TANC2: variants seen among roughly 807,000 people sequenced by gnomAD.
TANC2 encodes protein TANC2.
TANC2 carries 26 observed loss-of-function variants against 210.5 expected under a neutral mutation model. That is an observed-to-expected ratio of 0.12 (90% confidence interval 0.09 to 0.17). The LOEUF is 0.17. Among genes scored for constraint, TANC2 ranks in the 10% least tolerant of loss-of-function variants. The probability of loss-of-function intolerance (pLI) is 1.00; values close to 1 mark genes in which losing one functional copy is unlikely to be tolerated. For missense variants in TANC2, 2,129 were observed against 2,608.9 expected (o/e 0.82, Z 4.01); for synonymous variants, 931 against 967.1 (o/e 0.96, Z 0.69).
chr17:63,200,853 C>G lies in TANC2; in HGVS notation c.665C>G (p.Ser222Cys), dbSNP rs759802007. 7.4e-6 allele frequency: 12 copies of G among 1,613,812 alleles called. No individual in the cohort carries two copies. The highest frequency in any genetic ancestry group is 1.1e-5 in the South Asian group (1 of 91,082). The change falls in exon 7 of 28, where the codon TCT (serine) becomes TGT (cysteine). Residue 222 changes from serine to cysteine, a missense_variant. By Grantham distance (112) the Ser-to-Cys change is moderately radical. Around this residue, in one of 5 missense-constraint regions of TANC2, gnomAD observed 739 missense variants for 848.0 expected, o/e 0.87. Transcript: ENST00000689528. The stretch of plus-strand genomic sequence containing the variant: ...TCTCCACCAGCCAGTAGCCCCTGCT[C>G]TACACTCCCACCCATCAGTACAAAT...
chr17:63,180,936 G>C (rs987845986), intron 5 of TANC2, among the ~76,000 whole-genome samples: 2 of 144,956 alleles, frequency 1.4e-5, no homozygotes, highest in Non-Finnish European at 1.5e-5. Flanking sequence ...AGGCGGGAGA[G>C]TTGCTTGAAC....
intron 11 of TANC2, among the ~76,000 whole-genome samples, chr17:63,335,081 G>A (rs906289646): frequency 1.3e-5 from 2 of 152,154 alleles, no homozygotes; most frequent in Admixed American, 1.3e-4. Flanking sequence ...CCTCCAGGCT[G>A]CATCTCCAAC....
At chr17:63,129,340 C>T (rs574609718) in intron 4 of TANC2, among the ~76,000 whole-genome samples, 30 of 152,226 alleles carry the variant, frequency 2.0e-4, no homozygotes, top group African/African-American at 6.7e-4. Context: ...CAGGTTCCAG[C>T]GTTACCACTT....
At chr17:63,271,388 G>A (rs1361093220) in intron 9 of TANC2, among the ~76,000 whole-genome samples, 1 of 148,582 alleles carries the variant, frequency 6.7e-6, no homozygotes, top group Non-Finnish European at 1.5e-5. Flanking sequence ...ATCTCACTGT[G>A]CTTTTGATTT....
chr17:63,366,447 A>G (rs552444883), intron 14 of TANC2, among the ~76,000 whole-genome samples: 1 of 152,188 alleles, frequency 6.6e-6, no homozygotes, highest in Non-Finnish European at 1.5e-5. Context: ...AGAAGTGATC[A>G]ATTTTCCTAT....
chr17:63,072,593 A>G (rs1364410966), intron 2 of TANC2, among the ~76,000 whole-genome samples: 5 of 152,110 alleles, frequency 3.3e-5, no homozygotes, highest in East Asian at 1.9e-4. Context: ...ATGGTTGCCT[A>G]TCACTTTGAG....
chr17:63,193,865 A>T, intron 5 of TANC2, 126 bp from the exon 6 acceptor site: 1 of 1,121,838 alleles, frequency 8.9e-7, no homozygotes, highest in Non-Finnish European at 1.2e-6. Context: ...AAAACCTCAT[A>T]ACTTTGTAAT....
intron 5 of TANC2, among the ~76,000 whole-genome samples, chr17:63,184,916 G>A (rs2040924193): frequency 6.6e-6 from 1 of 151,506 alleles, no homozygotes. Flanking sequence ...ACAGGTGTGA[G>A]CCACTGCACC....
chr17:63,190,164 A>G (rs1317306637), intron 5 of TANC2, among the ~76,000 whole-genome samples: 1 of 151,936 alleles, frequency 6.6e-6, no homozygotes, highest in Admixed American at 6.6e-5. Flanking sequence ...ATGAGGCACC[A>G]TCTCTACAAA....
intron 1 of TANC2, among the ~76,000 whole-genome samples, chr17:62,990,218 G>A (rs547186601): frequency 1.1e-4 from 17 of 152,212 alleles, no homozygotes; most frequent in Admixed American, 3.9e-4. Context: ...GTGAAATTTG[G>A]TTATCCAGAT....
At position 63,412,739 on chromosome 17, in the gene TANC2, T is replaced by C. The variant is rs1471031920; in HGVS notation, c.3928+30T>C. 6.5e-7 allele frequency: 1 copy of C among 1,535,862 alleles called. No homozygotes were observed. The stretch of plus-strand genomic sequence containing the variant: ...ATTTCACCGCTGTCAGCATCAGGCG[T>C]GGTCTGATGGCTTGGTCAGCTTTGC... On this transcript the variant is annotated intron_variant, in intron 24 of 27. Coordinates refer to ENST00000689528, the Ensembl canonical transcript of TANC2. The surrounding 1 kb of genome is among the most constrained non-coding windows in gnomAD (Gnocchi z 4.2).
At chr17:63,006,955 A>T (rs2033650889) in intron 1 of TANC2, among the ~76,000 whole-genome samples, 1 of 152,000 alleles carries the variant, frequency 6.6e-6, no homozygotes, top group African/African-American at 2.4e-5. Context: ...GCTAGATGAG[A>T]TGGCTCACGC....
chr17:63,126,569 G>A (rs536645122), intron 4 of TANC2, among the ~76,000 whole-genome samples: 1 of 152,100 alleles, frequency 6.6e-6, no homozygotes, highest in African/African-American at 2.4e-5. Context: ...CCACCACACT[G>A]GCTGATTTTT....
intron 12 of TANC2, among the ~76,000 whole-genome samples, chr17:63,350,637 C>A (rs545311066): frequency 2.6e-5 from 4 of 152,132 alleles, no homozygotes; most frequent in Non-Finnish European, 5.9e-5. Context: ...GGTCTCATTG[C>A]GGCTGCTTTA....
At chr17:63,194,277 A>G (rs2041273792) in intron 6 of TANC2, 138 bp downstream of exon 6, 1 of 1,003,160 alleles carries the variant, frequency 1.0e-6, no homozygotes, top group Non-Finnish European at 1.4e-6. Flanking sequence ...TCTTCAGTTT[A>G]TGAATAATCT....
chr17:62,996,912 C>G (rs2033135869), intron 1 of TANC2, among the ~76,000 whole-genome samples: 1 of 149,008 alleles, frequency 6.7e-6, no homozygotes, highest in East Asian at 1.9e-4. Context: ...CTCCCAGGTT[C>G]AAGTGATTCT....
chr17:62,990,609 A>G (rs1401987614), intron 1 of TANC2, among the ~76,000 whole-genome samples: 1 of 152,142 alleles, frequency 6.6e-6, no homozygotes, highest in Non-Finnish European at 1.5e-5. Flanking sequence ...TAAAGACGGG[A>G]GCATCTTGAA....
At chr17:63,124,038 A>G (rs893710153) in intron 4 of TANC2, among the ~76,000 whole-genome samples, 1 of 152,174 alleles carries the variant, frequency 6.6e-6, no homozygotes, top group African/African-American at 2.4e-5. Context: ...ACAAATAGAA[A>G]AGGTAGAAAG....
chr17:63,215,116 T>A (rs2041990901), intron 7 of TANC2, among the ~76,000 whole-genome samples: 1 of 152,208 alleles, frequency 6.6e-6, no homozygotes, highest in South Asian at 2.1e-4. Context: ...CAATTGAAAG[T>A]CGTTTCATAA....
Sources: gnomAD v4.1 joint callset for allele counts (sites outside exome capture counted in the v4.1 genomes callset) on GRCh38, gnomAD v4.1.1 for gene constraint, gnomAD v4.1.1 regional missense constraint, Gnocchi (gnomAD v3.1) non-coding constraint, MANE v1.5 for transcripts, NCBI Gene and HGNC (gene_info 2026-07-23, HGNC 2026-07-21) for gene names.